The following MIB1 variants were observed in gnomAD, a reference collection of about 807,000 sequenced individuals.
MIB1 encodes the protein E3 ubiquitin-protein ligase MIB1.
Under a neutral mutation model 124.5 loss-of-function variants are expected in MIB1, and 278 were observed. That is an observed-to-expected ratio of 2.23 (90% CI 2.02 to 2.47). The LOEUF (loss-of-function observed/expected upper bound fraction) is 2.47. MIB1 is among the 30% of genes most tolerant of loss of function. The pLI is 0.00. For synonymous variants in MIB1, 446 were observed against 429.4 expected, an observed-to-expected ratio of 1.04 and a Z score of -0.48; for missense variants, 957 against 1,254.4, an observed-to-expected ratio of 0.76 and a Z score of 3.58.
intron 1 of MIB1, among the ~76,000 whole-genome samples, chr18:21,709,169 T>C (rs887486992): frequency 1.3e-5 from 2 of 151,910 alleles, no homozygotes; most frequent in African/African-American, 4.8e-5. Flanking sequence ...ACAAAAAAAA[T>C]TAGCTGGGTG....
chr18:21,779,280 T>A (rs2041329466), intron 5 of MIB1, among the ~76,000 whole-genome samples: 1 of 152,218 alleles, frequency 6.6e-6, no homozygotes, highest in African/African-American at 2.4e-5. Context: ...TTATTTCAAT[T>A]TTTGAGTCTG....
chr18:21,767,325 A>G (rs2041172932), intron 2 of MIB1, among the ~76,000 whole-genome samples: 1 of 152,096 alleles, frequency 6.6e-6, no homozygotes, highest in Non-Finnish European at 1.5e-5. Context: ...AGAAGTGCTG[A>G]GCAAAAAAGG....
At chr18:21,837,582 A>G (rs563023018) in intron 12 of MIB1, among the ~76,000 whole-genome samples, 86 of 152,258 alleles carry the variant, frequency 5.6e-4, no homozygotes, top group Non-Finnish European at 1.0e-3. Flanking sequence ...AGGTTCTTCA[A>G]TCCTCCACAA....
chr18:21,767,576 C>G (rs533697707), intron 2 of MIB1, among the ~76,000 whole-genome samples: 54 of 151,846 alleles, frequency 3.6e-4, no homozygotes, highest in African/African-American at 1.2e-3. Context: ...GAAATGGAGT[C>G]TCTCTCTGTT....
chr18:21,857,244 G>GT lies in MIB1; in HGVS notation c.2779+2dup, dbSNP rs1568229518. 4.4e-6 allele frequency: 7 copies of GT among 1,602,792 alleles called. No individual in the cohort carries two copies. The highest frequency in any genetic ancestry group is 1.7e-5 in the Admixed American group (1 of 60,004). ...TCAGAAGATGCCACTGATGATATCTGTAAGTCGATTGTCTTAAGCATTTTC... is the reference window on the plus strand; with the variant it reads ...TCAGAAGATGCCACTGATGATATCTGTTAAGTCGATTGTCTTAAGCATTTTC... On this transcript the variant is annotated splice_donor_variant, in intron 19 of 20. Transcript: ENST00000261537. LOFTEE classifies it high-confidence loss of function.
chr18:21,842,980 A>G, intron 13 of MIB1, 151 bp from the exon 14 acceptor site: 1 of 542,836 alleles, frequency 1.8e-6, no homozygotes, highest in Non-Finnish European at 3.2e-6. Flanking sequence ...TTTAACAGCA[A>G]CTGTTACCAT....
chr18:21,776,478 A>G (rs1373192948), intron 4 of MIB1, among the ~76,000 whole-genome samples: 2 of 152,168 alleles, frequency 1.3e-5, no homozygotes, highest in Non-Finnish European at 2.9e-5. Context: ...CTAATCATCT[A>G]CTATATACAC....
chr18:21,723,989 C>G (rs1478873125), intron 1 of MIB1: 1 of 152,180 alleles, frequency 6.6e-6, no homozygotes, highest in African/African-American at 2.4e-5. Flanking sequence ...CAGGCATGAG[C>G]CACCTTGCCC....
At chr18:21,843,571 T>C (rs2042110226) in intron 14 of MIB1, among the ~76,000 whole-genome samples, 1 of 152,224 alleles carries the variant, frequency 6.6e-6, no homozygotes, top group Non-Finnish European at 1.5e-5. Context: ...GGGTTGTAGT[T>C]TAGCAAACAC....
At chr18:21,816,438 A>G (rs1199810500) in intron 11 of MIB1, among the ~76,000 whole-genome samples, 1 of 152,214 alleles carries the variant, frequency 6.6e-6, no homozygotes, top group Non-Finnish European at 1.5e-5. Flanking sequence ...CACCTGTTTG[A>G]TTAAAGTTTC....
rs1430683225 is a variant in MIB1 at position 21,847,047 on chromosome 18, A to G, written c.2315A>G (p.Lys772Arg). 3.1e-6 allele frequency: 5 copies of G among 1,614,178 alleles called. No individual in the cohort carries two copies. The South Asian group carries it at 5.5e-5, about 18-fold the overall frequency. The change falls in exon 16 of 21, where the codon AAG (lysine) becomes AGG (arginine). Residue 772 changes from lysine (K) to arginine (R), a missense_variant. Physicochemically the swap from Lys to Arg is conservative, Grantham distance 26. Transcript: ENST00000261537. ...NGADLSIRNK[K>R]GQSPLDLCPD... ...GCTGACCTGAGCATTCGAAATAAGA[A>G]GGGTCAATCGCCACTTGATCTCTGT... is the stretch of plus-strand genomic sequence containing the variant.
In MIB1 at chr18:21,866,463, C is replaced by T. The variant is rs1186343141; in HGVS notation, c.*1797C>T. 2.6e-5 allele frequency: 4 copies of T among 152,166 alleles called. No individual in the cohort carries two copies. The highest frequency in any genetic ancestry group is 9.7e-5 in the African/African-American group (4 of 41,432). The allele number at this position is 152,166 out of a possible 1,614,324, so 9.4% of individuals were successfully genotyped here. ...TAGAACATCTGACTGATGATGTTCA[C>T]ATAAAGAGACAGACAGACTATCATG... On this transcript the variant is annotated 3_prime_UTR_variant, in exon 21 of 21. Coordinates refer to ENST00000261537, the MANE Select transcript of MIB1 (RefSeq NM_020774.4).
At chr18:21,859,966 T>C (rs2042261381) in intron 20 of MIB1, among the ~76,000 whole-genome samples, 1 of 144,656 alleles carries the variant, frequency 6.9e-6, no homozygotes, top group African/African-American at 2.6e-5. Context: ...GGAAACATAA[T>C]GCAAAATTCA....
chr18:21,710,362 G>A (rs1356597944), intron 1 of MIB1, among the ~76,000 whole-genome samples: 1 of 152,032 alleles, frequency 6.6e-6, no homozygotes, highest in African/African-American at 2.4e-5. Context: ...CCAGAGTTCT[G>A]GGATTACAGG....
chr18:21,838,901 A>G (rs1412170189), intron 13 of MIB1, among the ~76,000 whole-genome samples: 1 of 152,208 alleles, frequency 6.6e-6, no homozygotes, highest in Non-Finnish European at 1.5e-5. Flanking sequence ...AGCTAAGATC[A>G]GGGGATTTAT....
chr18:21,769,382 A>G (rs2041200310), intron 3 of MIB1, among the ~76,000 whole-genome samples: 2 of 152,202 alleles, frequency 1.3e-5, no homozygotes, highest in Non-Finnish European at 2.9e-5. Flanking sequence ...TGGGCAGTGT[A>G]TCCACAGTTG....
chr18:21,780,379 T>TC (rs1049409374), intron 6 of MIB1, among the ~76,000 whole-genome samples: 2 of 152,076 alleles, frequency 1.3e-5, no homozygotes, highest in Admixed American at 6.6e-5. Flanking sequence ...ATCTCACTCA[T>TC]CCCCCCCTTT....
chr18:21,811,439 C>T (rs1184322463), intron 10 of MIB1, among the ~76,000 whole-genome samples: 3 of 152,096 alleles, frequency 2.0e-5, no homozygotes, highest in Admixed American at 6.5e-5. Flanking sequence ...CAGCAGCATT[C>T]GTAATAGCTA....
chr18:21,806,443 C>A (rs2041707587), intron 10 of MIB1, among the ~76,000 whole-genome samples: 1 of 152,036 alleles, frequency 6.6e-6, no homozygotes. Context: ...CTCAAGTGAT[C>A]CTCCTGCCTT....
Sources: allele counts gnomAD v4.1 joint callset (sites outside exome capture counted in the v4.1 genomes callset), GRCh38; gene constraint gnomAD v4.1.1; transcripts MANE v1.5; gene names NCBI Gene and HGNC (gene_info 2026-07-23, HGNC 2026-07-21).